DENND2B: variants seen among roughly 807,000 people sequenced by gnomAD.
DENND2B encodes DENN domain containing 2B.
In DENND2B, 32 loss-of-function variants were observed where a neutral mutation model predicts 116.0. The observed-to-expected ratio is 0.28, with a 90% CI of 0.21 to 0.37. DENND2B has a LOEUF of 0.37. DENND2B is among the 10% of genes least tolerant of loss of function. DENND2B has a pLI of 1.00. For missense variants in DENND2B, 1,276 were observed against 1,477.7 expected, an observed-to-expected ratio of 0.86 and a Z score of 2.24; for synonymous variants, 588 against 583.9, an observed-to-expected ratio of 1.01 and a Z score of -0.10.
Position 8,729,934 on chromosome 11 carries a change from G to A in DENND2B, c.1340+16C>T. 1 of 1,612,680 alleles carries A rather than the reference G, an allele frequency of 6.2e-7. No homozygotes were observed. Among genetic ancestry groups the A allele is most frequent in the Non-Finnish European group, 8.5e-7 (1 of 1,179,196 alleles). The stretch of plus-strand genomic sequence containing the variant: ...CACGGTATTCAGCTACAACACACCG[G>A]AGGGGCATGCATTACCTGCTCTGGG... On this transcript the variant is annotated intron_variant, in intron 3 of 19. Coordinates refer to ENST00000313726, the MANE Select transcript of DENND2B (RefSeq NM_213618.2).
intron 19 of DENND2B, chr11:8,694,615 T>C: frequency 2.2e-6 from 1 of 456,478 alleles, no homozygotes; most frequent in Non-Finnish European, 4.4e-6. Context: ...GTCCTCCATA[T>C]CCATGAGTTC....
intron 2 of DENND2B, among the ~76,000 whole-genome samples, chr11:8,731,637 C>T (rs1399491047): frequency 6.6e-6 from 1 of 152,112 alleles, no homozygotes; most frequent in Non-Finnish European, 1.5e-5. Flanking sequence ...ATCGCTTGAG[C>T]CCAGCAGTTC....
intron 2 of DENND2B, among the ~76,000 whole-genome samples, chr11:8,865,990 C>T (rs1005398024): frequency 2.0e-5 from 3 of 151,924 alleles, no homozygotes; most frequent in Non-Finnish European, 4.4e-5. Flanking sequence ...GACGGAGTCT[C>T]GCTCTGTCGC....
chr11:8,774,283 A>T (rs138055563), intron 1 of DENND2B: 18,476 of 985,408 alleles, frequency 0.019, 229 homozygotes, highest in Middle Eastern at 0.059. Flanking sequence ...GGACACTTTA[A>T]TCCCAAAGCA....
rs1267835544 is a variant in DENND2B, at chr11:8,726,195, A to C, written c.1355T>G (p.Phe452Cys). ...GGACTGGAGACTGGATGCATCCTCA[A>C]ACTCAAAGGATTTTCTGTGGATAAC... ...RKSQSRKSFE[F>C]EDASSLQSLY... The change falls in exon 4 of 20, where the codon TTT (phenylalanine) becomes TGT (cysteine). Residue 452 changes from phenylalanine to cysteine, a missense_variant. Around this residue, in one of 2 missense-constraint regions of DENND2B, gnomAD observed 856 missense variants for 846.6 expected, o/e 1.01. Coordinates refer to ENST00000313726, the MANE Select transcript of DENND2B (RefSeq NM_213618.2). 3 of 1,610,032 alleles carry C rather than the reference A, an allele frequency of 1.9e-6. No individual in the cohort carries two copies. The highest frequency in any genetic ancestry group is 1.7e-6 in the Non-Finnish European group (2 of 1,178,268).
chr11:8,794,358 G>A (rs951008381), intron 1 of DENND2B, among the ~76,000 whole-genome samples: 2 of 152,172 alleles, frequency 1.3e-5, no homozygotes, highest in African/African-American at 4.8e-5. Context: ...GTGAGCATCC[G>A]CAAAATAGAC....
intron 1 of DENND2B, among the ~76,000 whole-genome samples, chr11:8,760,980 C>CA (rs2054517137): frequency 6.6e-6 from 1 of 152,128 alleles, no homozygotes. Flanking sequence ...TCCATCTCTT[C>CA]ACTGTCCACT....
chr11:8,875,842 T>TA (rs1371758789), upstream of DENND2B, among the ~76,000 whole-genome samples: 17 of 152,300 alleles, frequency 1.1e-4, no homozygotes, highest in African/African-American at 3.4e-4. Context: ...TGGTTCAACT[T>TA]ACAATCTTTT....
intron 1 of DENND2B, chr11:8,895,469 T>A (rs1172084959): frequency 6.6e-6 from 1 of 152,180 alleles, no homozygotes; most frequent in African/African-American, 2.4e-5. Flanking sequence ...GACATTATAC[T>A]AAATGAAATA....
chr11:8,797,729 C>A (rs1398523830), intron 1 of DENND2B, among the ~76,000 whole-genome samples: 1 of 152,112 alleles, frequency 6.6e-6, no homozygotes, highest in African/African-American at 2.4e-5. Flanking sequence ...GGGTTACAGG[C>A]ATGAGCCACC....
chr11:8,693,923 C>T lies in DENND2B; in HGVS notation c.*173G>A. 1 of 597,466 alleles carries T rather than the reference C, an allele frequency of 1.7e-6. No homozygotes were observed. 37.0% of individuals were successfully genotyped at this position (597,466 alleles called of 1,614,324 possible). ...AAAAAACAGTTAAGAAAGCTTACAG[C>T]AGATTATTTACAAACAGTATCCTGG... On this transcript the variant is annotated 3_prime_UTR_variant, in exon 20 of 20. Coordinates refer to ENST00000313726, the MANE Select transcript of DENND2B (RefSeq NM_213618.2).
chr11:8,822,310 C>G (rs568809696), intron 4 of DENND2B, among the ~76,000 whole-genome samples: 25 of 152,202 alleles, frequency 1.6e-4, no homozygotes, highest in Non-Finnish European at 2.9e-4. Flanking sequence ...CAAATTAACA[C>G]ATTCATTACC....
At chr11:8,846,436 AGGCTGAAGGGCC>A (rs1023954031) in intron 3 of DENND2B, among the ~76,000 whole-genome samples, 1 of 152,196 alleles carries the variant, frequency 6.6e-6, no homozygotes, top group Non-Finnish European at 1.5e-5. Flanking sequence ...AGCAGCGCCC[AGGCTGAAGGGCC>A]CACTGGGCAG....
At chr11:8,865,885 C>A (rs746001016) in intron 2 of DENND2B, among the ~76,000 whole-genome samples, 1 of 150,920 alleles carries the variant, frequency 6.6e-6, no homozygotes, top group Non-Finnish European at 1.5e-5. Flanking sequence ...GGGGAATTGT[C>A]CAAATGCCAT....
intron 1 of DENND2B, chr11:8,808,337 A>C (rs1452502790): frequency 6.6e-6 from 1 of 152,234 alleles, no homozygotes; most frequent in Non-Finnish European, 1.5e-5. Context: ...CCACAACTCT[A>C]CAGGCAGCTG....
intron 4 of DENND2B, among the ~76,000 whole-genome samples, chr11:8,823,421 T>A (rs1417009521): frequency 6.6e-6 from 1 of 152,174 alleles, no homozygotes; most frequent in African/African-American, 2.4e-5. Flanking sequence ...TTTATTGATT[T>A]GCATATGTTG....
rs1446787921 is a variant in DENND2B at position 8,710,902 on chromosome 11, A to C, written c.2295T>G (p.Ser765=). 1 of 1,614,154 alleles carries C rather than the reference A, an allele frequency of 6.2e-7. No homozygotes were observed. Among genetic ancestry groups the C allele is most frequent in the Non-Finnish European group, 8.5e-7 (1 of 1,180,000 alleles). Reference sequence around the variant, plus strand: ...TGCCATCTTCCCCAGTCAGCATGAAAGAAAAGGTCTCACTGGAACAAAGAG... The same window carrying C: ...TGCCATCTTCCCCAGTCAGCATGAACGAAAAGGTCTCACTGGAACAAAGAG... The part of the protein sequence containing the change: ...PVSEYSSETF[S]FMLTGEDGSR... The change falls in exon 11 of 20, where the codon TCT becomes TCG. Residue 765 remains serine (S), a synonymous_variant. Coordinates refer to ENST00000313726, the MANE Select transcript of DENND2B (RefSeq NM_213618.2).
intron 14 of DENND2B, chr11:8,700,042 C>T (rs934960482): frequency 2.2e-6 from 1 of 450,918 alleles, no homozygotes; most frequent in Admixed American, 2.4e-5. Flanking sequence ...TAGCTGTATT[C>T]ACAGCCCCAC....
rs146901381 is a variant in DENND2B at position 8,782,574 on chromosome 11, T to C, written c.-26+27943A>G. Among the ~76,000 whole-genome samples, 338 of 152,310 alleles carry C rather than the reference T, an allele frequency of 2.2e-3. 1 individual carries two copies. The highest frequency in any genetic ancestry group is 2.7e-3 in the Non-Finnish European group (182 of 68,028). ...ATTATATTAACCTTTCACTTTTCCA[T>C]ATACTTTTCCAAGTTTTAAAAGATA... On this transcript the variant is annotated intron_variant, in intron 1 of 19. Coordinates refer to ENST00000313726, the MANE Select transcript of DENND2B (RefSeq NM_213618.2).
Sources: allele counts gnomAD v4.1 joint callset (sites outside exome capture counted in the v4.1 genomes callset), GRCh38; gene constraint gnomAD v4.1.1; regional missense constraint gnomAD v4.1.1; transcripts MANE v1.5; gene names NCBI Gene and HGNC (gene_info 2026-07-23, HGNC 2026-07-21).